The following CSMD1 variants were observed in gnomAD, a reference collection of about 807,000 sequenced individuals.
CSMD1 encodes the protein CUB and sushi domain-containing protein 1.
In CSMD1, 213 loss-of-function variants were observed where a neutral mutation model predicts 417.5. The observed-to-expected ratio is 0.51, with a 90% CI of 0.46 to 0.57. The LOEUF (loss-of-function observed/expected upper bound fraction) is 0.57. Ranked by LOEUF, CSMD1 falls within the 20% of genes least tolerant of loss-of-function variation. The pLI, the probability that CSMD1 is intolerant of heterozygous loss-of-function variation, is 0.00. For missense variants in CSMD1, 6,923 were observed against 4,529.7 expected, an observed-to-expected ratio of 1.53 and a Z score of -15.17; for synonymous variants, 2,862 against 1,736.8, an observed-to-expected ratio of 1.65 and a Z score of -16.11.
At chr8:4,457,442 T>G (rs1468755522) in intron 2 of CSMD1, among the ~76,000 whole-genome samples, 1 of 151,976 alleles carries the variant, frequency 6.6e-6, no homozygotes, top group Non-Finnish European at 1.5e-5. Context: ...AAAACAAACA[T>G]AATGCATTGA....
intron 4 of CSMD1, among the ~76,000 whole-genome samples, chr8:4,004,664 C>G (rs1359312029): frequency 6.6e-6 from 1 of 152,050 alleles, no homozygotes; most frequent in Non-Finnish European, 1.5e-5. Context: ...ATGAAATAGT[C>G]ACTTTCTTAA....
At chr8:3,536,668 T>G (rs1206933673) in intron 10 of CSMD1, among the ~76,000 whole-genome samples, 2 of 152,132 alleles carry the variant, frequency 1.3e-5, no homozygotes, top group African/African-American at 4.8e-5. Context: ...TGGTCAGAAG[T>G]GTAGGCACAG....
intron 63 of CSMD1, among the ~76,000 whole-genome samples, chr8:2,956,765 A>C (rs529266464): frequency 2.6e-5 from 4 of 152,144 alleles, no homozygotes; most frequent in African/African-American, 7.2e-5. Context: ...CAAGTTTACA[A>C]TTCTAAAATT....
At chr8:4,892,328 G>A (rs1191852516) in intron 1 of CSMD1, among the ~76,000 whole-genome samples, 2 of 152,060 alleles carry the variant, frequency 1.3e-5, no homozygotes, top group Non-Finnish European at 2.9e-5. Context: ...TGATACTTAG[G>A]TGACGAAGCC....
chr8:2,961,314 T>C (rs931003491), intron 61 of CSMD1, 100 bp from the exon 62 acceptor site: 6 of 599,206 alleles, frequency 1.0e-5, no homozygotes, highest in Admixed American at 9.6e-5. Context: ...AGAGAAAATA[T>C]TGTTTTGAGA....
chr8:4,087,872 T>C (rs1381518324), intron 3 of CSMD1, among the ~76,000 whole-genome samples: 1 of 152,320 alleles, frequency 6.6e-6, no homozygotes, highest in Non-Finnish European at 1.5e-5. Context: ...GGTGAATTTC[T>C]ACCCTGCTTA....
intron 1 of CSMD1, among the ~76,000 whole-genome samples, chr8:4,750,274 T>G (rs571040067): frequency 5.8e-4 from 88 of 152,290 alleles, no homozygotes; most frequent in African/African-American, 2.1e-3. Flanking sequence ...CCCACAGTGC[T>G]GGGATTACAG....
intron 1 of CSMD1, among the ~76,000 whole-genome samples, chr8:4,969,559 C>A (rs1004702681): frequency 1.3e-5 from 2 of 151,748 alleles, no homozygotes; most frequent in African/African-American, 4.8e-5. Flanking sequence ...TTACTCTTAT[C>A]TCACAACAGC....
intron 6 of CSMD1, among the ~76,000 whole-genome samples, chr8:3,725,694 C>G (rs1360463252): frequency 6.7e-6 from 1 of 148,644 alleles, no homozygotes; most frequent in Non-Finnish European, 1.5e-5. Context: ...GGGGCAGCCA[C>G]CACTGCAATG....
At chr8:4,573,065 G>A (rs933320662) in intron 2 of CSMD1, among the ~76,000 whole-genome samples, 9 of 152,076 alleles carry the variant, frequency 5.9e-5, no homozygotes, top group South Asian at 2.1e-4. Context: ...GTTAGAAAAC[G>A]CTCCTTTAGC....
chr8:4,612,398 G>C (rs907754518), intron 2 of CSMD1, among the ~76,000 whole-genome samples: 1 of 152,128 alleles, frequency 6.6e-6, no homozygotes, highest in Non-Finnish European at 1.5e-5. Context: ...GTCTACACTG[G>C]AATTCCAAAT....
At chr8:4,845,670 G>A (rs1801100270) in intron 1 of CSMD1, among the ~76,000 whole-genome samples, 4 of 152,178 alleles carry the variant, frequency 2.6e-5, no homozygotes, top group Admixed American at 6.5e-5. Flanking sequence ...AAAGAAAGAT[G>A]TGTAATATTT....
intron 3 of CSMD1, among the ~76,000 whole-genome samples, chr8:4,054,565 C>T (rs1389945550): frequency 6.6e-6 from 1 of 152,098 alleles, no homozygotes; most frequent in African/African-American, 2.4e-5. Context: ...TTGCGGAGTT[C>T]AACCCTCTTG....
chr8:4,249,968 A>G (rs920846505), intron 3 of CSMD1, among the ~76,000 whole-genome samples: 3 of 152,044 alleles, frequency 2.0e-5, no homozygotes, highest in African/African-American at 4.8e-5. Context: ...ATTAATGCCC[A>G]TATAAAGAGG....
intron 3 of CSMD1, among the ~76,000 whole-genome samples, chr8:4,201,888 G>GT (rs1554492000): frequency 9.0e-4 from 3 of 3,338 alleles, no homozygotes; most frequent in Non-Finnish European, 7.2e-3. Flanking sequence ...TGGAAATTTT[G>GT]GGGGGGGGGG....
intron 5 of CSMD1, among the ~76,000 whole-genome samples, chr8:3,816,337 C>A (rs1176495659): frequency 1.3e-5 from 2 of 152,116 alleles, no homozygotes; most frequent in Admixed American, 6.6e-5. Flanking sequence ...CCACAGTCAA[C>A]CACTGTCAGA....
At chr8:4,905,615 C>A (rs185107297) in intron 1 of CSMD1, among the ~76,000 whole-genome samples, 6 of 151,590 alleles carry the variant, frequency 4.0e-5, no homozygotes, top group Non-Finnish European at 8.8e-5. Flanking sequence ...GTCATGAGAT[C>A]GAGGCCATCC....
intron 42 of CSMD1, among the ~76,000 whole-genome samples, chr8:3,114,109 G>T (rs146624658): frequency 6.6e-6 from 1 of 151,886 alleles, no homozygotes; most frequent in Non-Finnish European, 1.5e-5. Flanking sequence ...CCATGCATGC[G>T]AGCACATGCC....
At chr8:3,473,018 T>C (rs903099823) in intron 11 of CSMD1, among the ~76,000 whole-genome samples, 1 of 152,136 alleles carries the variant, frequency 6.6e-6, no homozygotes, top group Non-Finnish European at 1.5e-5. Flanking sequence ...CTCTGTCTCC[T>C]GGTTCTGGCA....
Sources: allele counts gnomAD v4.1 joint callset (sites outside exome capture counted in the v4.1 genomes callset), GRCh38; gene constraint gnomAD v4.1.1; transcripts MANE v1.5; gene names NCBI Gene and HGNC (gene_info 2026-07-23, HGNC 2026-07-21).